The following PHLDB1 variants were observed in gnomAD, a reference collection of about 807,000 sequenced individuals.
The protein encoded by PHLDB1 is pleckstrin homology like domain family B member 1.
A neutral mutation model predicts 139.3 loss-of-function variants in PHLDB1; 65 were observed. The observed-to-expected ratio is 0.47, with a 90% CI of 0.38 to 0.57. The LOEUF is 0.57. Ranked by LOEUF, PHLDB1 falls within the 20% of genes least tolerant of loss-of-function variation. PHLDB1 has a pLI of 0.00. For missense variants in PHLDB1, 1,624 were observed against 1,839.7 expected, an observed-to-expected ratio of 0.88 and a Z score of 2.14; for synonymous variants, 679 against 734.5, an observed-to-expected ratio of 0.92 and a Z score of 1.22.
Position 118,632,880 on chromosome 11 carries a change from C to A in PHLDB1, c.2379+584C>A. 1.0e-6 allele frequency: 1 copy of A among 977,056 alleles called. No individual in the cohort carries two copies. The highest frequency in any genetic ancestry group is 4.7e-5 in the South Asian group (1 of 21,094). 60.5% of individuals were successfully genotyped at this position (977,056 alleles called of 1,614,324 possible). ...CAAAAGCTCTGAAGTGGAGAGGGGT[C>A]ATCTATTTCTGGATCTGACAGTATT... On this transcript the variant is annotated intron_variant, in intron 9 of 22. Transcript: ENST00000600882. This position sits in a 1 kb window ranked among gnomAD's most constrained non-coding sequence, Gnocchi z 5.9.
intron 4 of PHLDB1, among the ~76,000 whole-genome samples, chr11:118,619,410 C>T (rs1942313338): frequency 6.6e-6 from 1 of 152,180 alleles, no homozygotes; most frequent in South Asian, 2.1e-4. Context: ...GGACATTCAG[C>T]CTCTTTTTTT....
At chr11:118,639,058 G>T in intron 11 of PHLDB1, 57 bp downstream of exon 11, 1 of 1,555,232 alleles carries the variant, frequency 6.4e-7, no homozygotes, top group Non-Finnish European at 8.9e-7. Flanking sequence ...GGAGGGGAGT[G>T]CAGAAGGACT....
At chr11:118,630,024 T>G in intron 6 of PHLDB1, 1 of 1,269,356 alleles carries the variant, frequency 7.9e-7, no homozygotes, top group Non-Finnish European at 1.0e-6. Context: ...GAGGCTCTGT[T>G]CCGGTTTTTT....
At position 118,628,522 on chromosome 11, in the gene PHLDB1, T is replaced by C. The variant is rs1555106638; in HGVS notation, c.1699T>C (p.Leu567=). ...CVQRKLSSGD[L]RVPVTRERKN... is the part of the protein sequence containing the mutation. ...CCAGAGGAAGCTCTCCAGCGGGGAC[T>C]TGCGGGTGCCTGTCACAAGGGAGCG... Residue 567 remains leucine (L), a synonymous_variant, in exon 6 of 23, where the codon TTG becomes CTG. Transcript: ENST00000600882. The C allele has an allele frequency of 6.2e-7, 1 of 1,613,234 alleles. No individual in the cohort carries two copies. The highest frequency in any genetic ancestry group is 1.7e-5 in the Admixed American group (1 of 60,026).
chr11:118,624,590 C>CTTTTTTTTTTTTTTTT (rs67582556), intron 4 of PHLDB1: 3 of 133,050 alleles, frequency 2.3e-5, no homozygotes, highest in Non-Finnish European at 3.9e-5. Context: ...TTCTTCCTTT[C>CTTTTTTTTTTTTTTTT]TTTTTTTTTT....
chr11:118,642,413 C>T lies in PHLDB1; in HGVS notation c.2877+19C>T, dbSNP rs782587304. 6 of 1,602,348 alleles carry T rather than the reference C, an allele frequency of 3.7e-6. No individual in the cohort carries two copies. In the South Asian group the frequency reaches 6.6e-5, roughly 18 times the overall value. On this transcript the variant is annotated intron_variant, in intron 13 of 22. Coordinates refer to ENST00000600882, the MANE Select transcript of PHLDB1 (RefSeq NM_001144758.3). ...GCTGCAGGTAACCCCTCCTTCACTG[C>T]CCGTCCTCCCCAGCCTTTGCACCTG...
intron 12 of PHLDB1, 97 bp downstream of exon 12, chr11:118,639,348 G>A (rs1278181399): frequency 2.4e-6 from 2 of 848,832 alleles, no homozygotes; most frequent in Non-Finnish European, 2.0e-6. Context: ...CTGAGGTTGT[G>A]TGGGGGCATC....
Position 118,656,791 on chromosome 11 carries a change from G to C in PHLDB1, c.4102G>C (p.Gly1368Arg). ...TATCTGGATGGATGTCATTGTCACAGGGGCTGAGGGCTACACTCAGTTCAT... is the reference window on the plus strand; with the variant it reads ...TATCTGGATGGATGTCATTGTCACACGGGCTGAGGGCTACACTCAGTTCAT... ...MRIWMDVIVTGAEGYTQFMN is the reference protein window; with the variant it reads ...MRIWMDVIVTRAEGYTQFMN The change falls in exon 23 of 23, where the codon GGG becomes CGG. Residue 1368 changes from glycine to arginine, a missense_variant. Coordinates refer to ENST00000600882, the MANE Select transcript of PHLDB1 (RefSeq NM_001144758.3). 2 of 1,614,080 alleles carry C rather than the reference G, an allele frequency of 1.2e-6. No individual in the cohort carries two copies. The highest frequency in any genetic ancestry group is 1.7e-6 in the Non-Finnish European group (2 of 1,179,920).
In PHLDB1 at chr11:118,645,841, A is replaced by G; in HGVS notation, c.3507+16A>G. ...GGAGTCGAGGGTGAGTCTGACCTGG[A>G]TCGGGGAGGCAGAAGGTGTTGGGGC... On this transcript the variant is annotated intron_variant, in intron 17 of 22. Transcript: ENST00000600882. The surrounding 1 kb of genome is among the most constrained non-coding windows in gnomAD (Gnocchi z 5.1). The G allele has an allele frequency of 6.4e-7, 1 of 1,557,994 alleles. No individual in the cohort carries two copies. The highest frequency in any genetic ancestry group is 8.9e-7 in the Non-Finnish European group (1 of 1,129,366).
chr11:118,616,281 G>A (rs1941621197), intron 4 of PHLDB1, 70 bp downstream of exon 4: 2 of 1,411,414 alleles, frequency 1.4e-6, no homozygotes, highest in East Asian at 2.3e-5. Context: ...CACAGGGGAG[G>A]CTGGCTGTGG....
Position 118,645,564 on chromosome 11 carries a change from T to TA in PHLDB1, c.3331dup (p.Thr1111AsnfsTer8). On this transcript the variant is annotated frameshift_variant, in exon 16 of 23. Coordinates refer to ENST00000600882, the MANE Select transcript of PHLDB1 (RefSeq NM_001144758.3). LOFTEE classifies it high-confidence loss of function. This position sits in a 1 kb window ranked among gnomAD's most constrained non-coding sequence, Gnocchi z 5.1. ...GGGAGGAGGGTGAGCACGCCTATGA[T>TA]ACGCTGAGTCTGGAGAGCTCTGACA... The TA allele has an allele frequency of 1.2e-6, 2 of 1,613,766 alleles. No homozygotes were observed. Among genetic ancestry groups the TA allele is most frequent in the Non-Finnish European group, 1.7e-6 (2 of 1,179,858 alleles).
At chr11:118,641,707 C>T (rs372516205) in intron 12 of PHLDB1, 54 of 1,289,500 alleles carry the variant, frequency 4.2e-5, no homozygotes, top group Middle Eastern at 4.2e-4. Flanking sequence ...CTCCGCCTCC[C>T]GGGACCTGGT....
At chr11:118,648,174 GTTCT>G in intron 18 of PHLDB1, 98 bp downstream of exon 18, 3 of 1,215,346 alleles carry the variant, frequency 2.5e-6, no homozygotes, top group Non-Finnish European at 3.5e-6. Context: ...TGTAAAACCT[GTTCT>G]ACTCCAGAAA....
rs1164048346 is a variant in PHLDB1, at chr11:118,630,027, G to A, written c.1828-1180G>A. On this transcript the variant is annotated intron_variant, in intron 6 of 22. Transcript: ENST00000600882. ...CTCCCAGGTGCCGAGGCTCTGTTCC[G>A]GTTTTTTTTTTTTTTTTTTGCCATG... The A allele has an allele frequency of 6.4e-6, 8 of 1,250,070 alleles. No homozygotes were observed. The African/African-American group carries it at 6.7e-5, about 11-fold the overall frequency. The allele number at this position is 1,250,070 out of a possible 1,614,324, so 77.4% of individuals were successfully genotyped here. A position where few individuals can be genotyped will look rare whatever the true frequency, so the allele number is the denominator to read the frequency against.
chr11:118,624,590 CTTTTTTTTTTTTTTTT>C (rs67582556), intron 4 of PHLDB1: 1 of 133,048 alleles, frequency 7.5e-6, no homozygotes, highest in Non-Finnish European at 1.3e-5. Context: ...TTCTTCCTTT[CTTTTTTTTTTTTTTTT>C]TTTTTTTTTT....
intron 5 of PHLDB1, 118 bp from the exon 6 acceptor site, chr11:118,627,184 TCTC>T (rs1170900229): frequency 1.0e-6 from 1 of 964,088 alleles, no homozygotes; most frequent in East Asian, 2.4e-5. Context: ...CAGAACCACA[TCTC>T]CTGGCTTCTT....
Position 118,630,134 on chromosome 11 carries a change from G to A in PHLDB1, c.1828-1073G>A, listed in dbSNP as rs1944556999. 14 of 1,113,444 alleles carry A rather than the reference G, an allele frequency of 1.3e-5. No individual in the cohort carries two copies. The South Asian group carries it at 1.6e-4, about 12-fold the overall frequency. The allele number at this position is 1,113,444 out of a possible 1,614,324, so 69.0% of individuals were successfully genotyped here. The stretch of plus-strand genomic sequence containing the variant: ...CCTTCTCTCCACTTCCTGCGGTTTG[G>A]GTTCATGGCCAAACTGTAAGTGATG... On this transcript the variant is annotated intron_variant, in intron 6 of 22. Coordinates refer to ENST00000600882, the MANE Select transcript of PHLDB1 (RefSeq NM_001144758.3).
Position 118,643,839 on chromosome 11 carries a change from C to T in PHLDB1, c.2917C>T (p.Leu973Phe), listed in dbSNP as rs921555457. The stretch of plus-strand genomic sequence containing the variant: ...GATGGATGGCGAGGCCACCAGCCCC[C>T]TTCCCCGGACCCGCAGCGGCCCCCT... ...SKMDGEATSP[L>F]PRTRSGPLPS... The change falls in exon 14 of 23, where the codon CTT (leucine) becomes TTT (phenylalanine). Residue 973 changes from leucine (L) to phenylalanine (F), a missense_variant. Transcript: ENST00000600882. The T allele has an allele frequency of 1.2e-6, 2 of 1,614,084 alleles. No individual in the cohort carries two copies. Among genetic ancestry groups the T allele is most frequent in the Middle Eastern group, 1.7e-4 (1 of 6,060 alleles).
At chr11:118,648,183 C>T in intron 18 of PHLDB1, 107 bp downstream of exon 18, 1 of 1,136,996 alleles carries the variant, frequency 8.8e-7, no homozygotes, top group Middle Eastern at 2.0e-4. Context: ...TGTTCTACTC[C>T]AGAAAAGATT....
Sources: allele counts gnomAD v4.1 joint callset (sites outside exome capture counted in the v4.1 genomes callset), GRCh38; gene constraint gnomAD v4.1.1; non-coding constraint Gnocchi (gnomAD v3.1); transcripts MANE v1.5; gene names NCBI Gene and HGNC (gene_info 2026-07-23, HGNC 2026-07-21).